Variants in RYR3 observed in about 807,000 individuals in gnomAD.
RYR3 encodes ryanodine receptor 3.
Under a neutral mutation model 584.3 loss-of-function variants are expected in RYR3, and 207 were observed. The observed-to-expected ratio is 0.35, with a 90% CI of 0.32 to 0.40. RYR3 has a LOEUF of 0.40. Among genes scored for constraint, RYR3 ranks in the 10% least tolerant of loss-of-function variants. RYR3 has a pLI of 1.00. For missense variants in RYR3, 5,616 were observed against 6,089.2 expected (o/e 0.92, Z 2.59); for synonymous variants, 2,416 against 2,248.5 (o/e 1.07, Z -2.11).
At chr15:33,569,038 G>C (rs1005109525) in intron 12 of RYR3, among the ~76,000 whole-genome samples, 10 of 152,200 alleles carry the variant, frequency 6.6e-5, no homozygotes, top group Non-Finnish European at 1.3e-4. Flanking sequence ...GTGTGTGCGT[G>C]TATGTGTGTG....
intron 4 of RYR3, among the ~76,000 whole-genome samples, chr15:33,532,003 C>T (rs1190901123): frequency 1.3e-5 from 2 of 151,994 alleles, no homozygotes; most frequent in African/African-American, 4.8e-5. Flanking sequence ...TTAAGTTTAC[C>T]CCTCCTAAAA....
chr15:33,839,189 G>A (rs563367589), intron 89 of RYR3, among the ~76,000 whole-genome samples: 2 of 152,264 alleles, frequency 1.3e-5, no homozygotes, highest in South Asian at 4.2e-4. Context: ...AGTTTATATT[G>A]TAGAATTCAA....
chr15:33,455,297 T>G (rs547612463), intron 1 of RYR3, among the ~76,000 whole-genome samples: 1 of 151,712 alleles, frequency 6.6e-6, no homozygotes, highest in Non-Finnish European at 1.5e-5. Flanking sequence ...ACCGGCAGCC[T>G]GCAATCTAAC....
At chr15:33,480,570 TTTAAAAG>T (rs2049864335) in intron 2 of RYR3, among the ~76,000 whole-genome samples, 1 of 152,196 alleles carries the variant, frequency 6.6e-6, no homozygotes, top group Admixed American at 6.5e-5. Flanking sequence ...ATTTGTGACT[TTTAAAAG>T]TAAAATATTA....
chr15:33,649,966 C>T (rs1249190337), intron 31 of RYR3, among the ~76,000 whole-genome samples: 2 of 152,180 alleles, frequency 1.3e-5, no homozygotes, highest in Non-Finnish European at 2.9e-5. Context: ...GCCTTTGCTC[C>T]CTACGAAGAC....
chr15:33,498,072 C>G (rs2051599919), intron 2 of RYR3, among the ~76,000 whole-genome samples: 1 of 152,170 alleles, frequency 6.6e-6, no homozygotes, highest in Non-Finnish European at 1.5e-5. Context: ...GAATAATACT[C>G]CATTATACAT....
In RYR3 at chr15:33,432,499, G is replaced by T. The variant is rs1463016263; in HGVS notation, c.52-40920G>T. On this transcript the variant is annotated intron_variant, in intron 1 of 103. Transcript: ENST00000634891. ...TGTTGCATTTAAATCCTGTTTCCAGGTGACTATGAAACGATTCTTGAGATA... is the reference window on the plus strand; with the variant it reads ...TGTTGCATTTAAATCCTGTTTCCAGTTGACTATGAAACGATTCTTGAGATA... Among the ~76,000 whole-genome samples the T allele has an allele frequency of 3.3e-5, 5 of 151,710 alleles. 1 individual carries two copies. Among genetic ancestry groups the T allele is most frequent in the Admixed American group, 3.3e-4 (5 of 15,222 alleles).
intron 1 of RYR3, among the ~76,000 whole-genome samples, chr15:33,381,306 G>A (rs1038905016): frequency 3.9e-5 from 6 of 152,162 alleles, no homozygotes; most frequent in Non-Finnish European, 8.8e-5. Context: ...TTTGCTCGAG[G>A]TGACACCAGG....
At chr15:33,587,246 C>T (rs2058899569) in intron 16 of RYR3, among the ~76,000 whole-genome samples, 1 of 152,226 alleles carries the variant, frequency 6.6e-6, no homozygotes, top group Non-Finnish European at 1.5e-5. Flanking sequence ...TCCAGATTCT[C>T]TGCGTTCCAA....
intron 60 of RYR3, among the ~76,000 whole-genome samples, chr15:33,761,182 C>A (rs766558175): frequency 1.2e-4 from 18 of 151,566 alleles, no homozygotes; most frequent in Admixed American, 7.2e-4. Context: ...AACATCACAA[C>A]TAAAAGAAAT....
intron 60 of RYR3, among the ~76,000 whole-genome samples, chr15:33,767,637 C>T (rs1230558180): frequency 6.6e-6 from 1 of 152,198 alleles, no homozygotes; most frequent in Non-Finnish European, 1.5e-5. Flanking sequence ...GGGTAAGGAG[C>T]TCCGTGATGA....
intron 42 of RYR3, among the ~76,000 whole-genome samples, chr15:33,703,846 C>T (rs1312020699): frequency 1.3e-5 from 2 of 152,042 alleles, no homozygotes; most frequent in Non-Finnish European, 2.9e-5. Context: ...CATTGGGTCC[C>T]TTATAAATCA....
intron 60 of RYR3, among the ~76,000 whole-genome samples, chr15:33,762,739 C>T (rs2072605504): frequency 6.6e-6 from 1 of 152,176 alleles, no homozygotes; most frequent in South Asian, 2.1e-4. Flanking sequence ...CTACCATTGT[C>T]TTTCTTCACA....
chr15:33,575,622 G>A (rs2058260301), intron 12 of RYR3, among the ~76,000 whole-genome samples: 1 of 152,144 alleles, frequency 6.6e-6, no homozygotes, highest in African/African-American at 2.4e-5. Context: ...GTAGTATTAA[G>A]AGGGAAGTTT....
chr15:33,755,260 A>C (rs1394087967), intron 58 of RYR3, 80 bp downstream of exon 58: 4 of 895,316 alleles, frequency 4.5e-6, no homozygotes, highest in Admixed American at 4.2e-5. Context: ...GTAACTTTTT[A>C]TGATTCATTT....
At chr15:33,477,909 C>CTAGGGGA (rs2049564587) in intron 2 of RYR3, among the ~76,000 whole-genome samples, 1 of 42,164 alleles carries the variant, frequency 2.4e-5, no homozygotes, top group Admixed American at 2.9e-4. Flanking sequence ...AAAAAAAAGA[C>CTAGGGGA]TAGGGGCTAT....
intron 38 of RYR3, among the ~76,000 whole-genome samples, chr15:33,689,848 A>G (rs1596170989): frequency 6.6e-6 from 1 of 152,132 alleles, no homozygotes; most frequent in East Asian, 1.9e-4. Context: ...AATGCCTCAC[A>G]TGTGTTAGTT....
At chr15:33,388,919 C>A (rs1350477851) in intron 1 of RYR3, among the ~76,000 whole-genome samples, 1 of 151,944 alleles carries the variant, frequency 6.6e-6, no homozygotes, top group African/African-American at 2.4e-5. Flanking sequence ...TTCTGCCCAT[C>A]ATATGAGTTC....
Position 33,670,523 on chromosome 15 carries a change from G to A in RYR3, c.5827G>A (p.Glu1943Lys), listed in dbSNP as rs752171274. The stretch of plus-strand genomic sequence containing the variant: ...CAAAGGCCCACCCAAGCCAGAGAAG[G>A]AGCAGCCGACGGAGGAGGAGGAGAG... ...KIKGPPKPEK[E>K]QPTEEEERCP... The change falls in exon 38 of 104, where the codon GAG becomes AAG. Residue 1943 changes from glutamate (E) to lysine (K), a missense_variant. Coordinates refer to ENST00000634891, the MANE Select transcript of RYR3 (RefSeq NM_001036.6). 142 of 1,599,562 alleles carry A rather than the reference G, an allele frequency of 8.9e-5. No homozygotes were observed. The highest frequency in any genetic ancestry group is 1.2e-4 in the Non-Finnish European group (139 of 1,175,620).
Sources: allele counts gnomAD v4.1 joint callset (sites outside exome capture counted in the v4.1 genomes callset), GRCh38; gene constraint gnomAD v4.1.1; transcripts MANE v1.5; gene names NCBI Gene and HGNC (gene_info 2026-07-23, HGNC 2026-07-21).